DENND3: variants seen among roughly 807,000 people sequenced by gnomAD.
DENND3 encodes DENN domain-containing protein 3.
DENND3 carries 88 observed loss-of-function variants against 135.1 expected under a neutral mutation model. The observed-to-expected ratio is 0.65, with a 90% CI of 0.55 to 0.78. DENND3 has a LOEUF of 0.78. Ranked by LOEUF, DENND3 falls within the 30% of genes least tolerant of loss-of-function variation. The pLI, the probability that DENND3 is intolerant of heterozygous loss-of-function variation, is 0.00. For synonymous variants in DENND3, 693 were observed against 712.3 expected (o/e 0.97, Z 0.43); for missense variants, 1,392 against 1,688.4 (o/e 0.82, Z 3.08).
Position 141,134,904 on chromosome 8 carries a change from C to T in DENND3, c.103-1605C>T, listed in dbSNP as rs141676648. ...GGACTGCAGTGGTGAGATCTCGGCT[C>T]ACTGCAAGCTCCGCCTCCTGGGTTC... On this transcript the variant is annotated intron_variant, in intron 1 of 22. Coordinates refer to ENST00000519811, the MANE Select transcript of DENND3 (RefSeq NM_001352890.3). 6.6e-3 allele frequency among the ~76,000 whole-genome samples: 989 copies of T among 149,738 alleles called. 10 individuals are homozygous for T. The highest frequency in any genetic ancestry group is 0.023 in the African/African-American group (948 of 40,608).
intron 19 of DENND3, among the ~76,000 whole-genome samples, chr8:141,189,458 C>T (rs1824396898): frequency 1.3e-5 from 2 of 152,236 alleles, no homozygotes; most frequent in African/African-American, 4.8e-5. Flanking sequence ...GTGCACCAGC[C>T]ATGGTGTCAG....
chr8:141,134,764 C>G (rs1816571588), intron 1 of DENND3, among the ~76,000 whole-genome samples: 1 of 152,206 alleles, frequency 6.6e-6, no homozygotes, highest in African/African-American at 2.4e-5. Context: ...ACTGCTGTGT[C>G]TTATTGGAAT....
At chr8:141,178,295 C>CTG in intron 16 of DENND3, 99 bp downstream of exon 16, 1 of 1,463,384 alleles carries the variant, frequency 6.8e-7, no homozygotes, top group South Asian at 1.4e-5. Flanking sequence ...GAACCGAGCC[C>CTG]AGCTCCCCCA....
chr8:141,193,760 G>C (rs1825083109), intron 22 of DENND3: 1 of 517,870 alleles, frequency 1.9e-6, no homozygotes, highest in African/African-American at 1.9e-5. Context: ...ACAGGTGGCT[G>C]TTGTTTGGTG....
At chr8:141,156,029 GC>G in intron 8 of DENND3, 59 bp downstream of exon 8, 1 of 1,513,862 alleles carries the variant, frequency 6.6e-7, no homozygotes, top group South Asian at 1.3e-5. Flanking sequence ...TTCTGTATTT[GC>G]CACTTCGAGT....
intron 13 of DENND3, chr8:141,173,461 GTGCCTGT>G (rs1481642733): frequency 1.1e-4 from 16 of 152,250 alleles, no homozygotes; most frequent in Non-Finnish European, 7.3e-5. Flanking sequence ...AGGGCCGGCA[GTGCCTGT>G]GACTCGGAAG....
intron 8 of DENND3, among the ~76,000 whole-genome samples, chr8:141,156,616 C>T (rs986072274): frequency 2.0e-5 from 3 of 151,948 alleles, no homozygotes; most frequent in South Asian, 2.1e-4. Flanking sequence ...GCATACCCGT[C>T]GTATACCCGG....
chr8:141,162,384 T>C (rs551642071), intron 9 of DENND3, among the ~76,000 whole-genome samples: 1 of 151,984 alleles, frequency 6.6e-6, no homozygotes, highest in Non-Finnish European at 1.5e-5. Context: ...CCCTTGAGCC[T>C]AGAAGTTTGA....
At chr8:141,147,677 T>C (rs1818331688) in intron 5 of DENND3, among the ~76,000 whole-genome samples, 1 of 152,210 alleles carries the variant, frequency 6.6e-6, no homozygotes, top group Admixed American at 6.5e-5. Context: ...GCACAGTTTG[T>C]AATTAGGGCT....
intron 10 of DENND3, among the ~76,000 whole-genome samples, 154 bp downstream of exon 10, chr8:141,163,583 C>CT (rs199579129): frequency 3.3e-5 from 5 of 152,244 alleles, no homozygotes; most frequent in African/African-American, 1.2e-4. Context: ...GGCTCTCCCT[C>CT]TTTTTTAAAA....
rs773659888 is a variant in DENND3, at chr8:141,168,019, C to T, written c.1769C>T (p.Pro590Leu). The change falls in exon 13 of 23, where the codon CCG becomes CTG. Residue 590 changes from proline to leucine, a missense_variant. Pro to Leu is a moderately conservative substitution (Grantham distance 98, BLOSUM62 -3). Transcript: ENST00000519811. This position sits in a 1 kb window ranked among gnomAD's most constrained non-coding sequence, Gnocchi z 6.2. ...AATGTTTTAGTTCTGAATGTCACGC[C>T]GAAGTCCCCGTATACATTCAAGATT... ...RGSSAVLNVT[P>L]KSPYTFKIPE... The T allele has an allele frequency of 1.6e-5, 25 of 1,608,726 alleles. No homozygotes were observed. The highest frequency in any genetic ancestry group is 3.3e-5 in the Admixed American group (2 of 59,938).
At position 141,137,235 on chromosome 8, in the gene DENND3, C is replaced by A. The variant is rs912652639; in HGVS notation, c.385+444C>A. On this transcript the variant is annotated intron_variant, in intron 2 of 22. Coordinates refer to ENST00000519811, the MANE Select transcript of DENND3 (RefSeq NM_001352890.3). This position sits in a 1 kb window ranked among gnomAD's most constrained non-coding sequence, Gnocchi z 4.1. ...CCTCAAGTGATCCACCTGCCTTAGC[C>A]TCCCAAAGTGCTGGGATTACAGGCG... Among the ~76,000 whole-genome samples the A allele has an allele frequency of 1.9e-4, 29 of 152,186 alleles. No homozygotes were observed. The highest frequency in any genetic ancestry group is 5.2e-4 in the Admixed American group (8 of 15,280).
chr8:141,132,187 T>C (rs1013960400), intron 1 of DENND3, among the ~76,000 whole-genome samples: 1 of 152,118 alleles, frequency 6.6e-6, no homozygotes, highest in African/African-American at 2.4e-5. Flanking sequence ...ACCTGTTATG[T>C]AGGATGACTA....
At chr8:141,135,137 T>G (rs1009749520) in intron 1 of DENND3, among the ~76,000 whole-genome samples, 1 of 148,880 alleles carries the variant, frequency 6.7e-6, no homozygotes, top group Non-Finnish European at 1.5e-5. Flanking sequence ...CGCCCAGCTC[T>G]TTCTTTCTTT....
Position 141,182,540 on chromosome 8 carries a change from C to T in DENND3, c.2944+1686C>T. 1.0e-6 allele frequency: 1 copy of T among 964,144 alleles called. No individual in the cohort carries two copies. Among genetic ancestry groups the T allele is most frequent in the Non-Finnish European group, 1.2e-6 (1 of 810,722 alleles). The allele number at this position is 964,144 out of a possible 1,614,324, so 59.7% of individuals were successfully genotyped here. A position where few individuals can be genotyped will look rare whatever the true frequency, so the allele number is the denominator to read the frequency against. ...TGAAATGAAACTCACTCTGAGCTTCCTGTTGTGACGGGCGAGGAGTTCAGG... is the reference window on the plus strand; with the variant it reads ...TGAAATGAAACTCACTCTGAGCTTCTTGTTGTGACGGGCGAGGAGTTCAGG... On this transcript the variant is annotated intron_variant, in intron 17 of 22. Coordinates refer to ENST00000519811, the MANE Select transcript of DENND3 (RefSeq NM_001352890.3). This position sits in a 1 kb window ranked among gnomAD's most constrained non-coding sequence, Gnocchi z 5.9.
intron 7 of DENND3, among the ~76,000 whole-genome samples, chr8:141,153,157 G>C (rs532972700): frequency 9.6e-4 from 141 of 147,200 alleles, no homozygotes; most frequent in South Asian, 2.1e-3. Context: ...GCAATGGCGT[G>C]ATCTCGGCTC....
chr8:141,151,593 C>T (rs766527708), intron 6 of DENND3, 26 bp from the exon 7 acceptor site: 3 of 1,589,834 alleles, frequency 1.9e-6, no homozygotes, highest in Non-Finnish European at 2.6e-6. Context: ...AAAGCATGTA[C>T]TCAGTGCGGC....
In DENND3 at chr8:141,178,264, C is replaced by T. The variant is rs780323061; in HGVS notation, c.2836+68C>T. ...CACGCCTTAAGTGATTTTATCTGGT[C>T]GATGTCTGTTTTATCAAGTAGAACC... On this transcript the variant is annotated intron_variant, in intron 16 of 22. Coordinates refer to ENST00000519811, the MANE Select transcript of DENND3 (RefSeq NM_001352890.3). The T allele has an allele frequency of 9.0e-6, 14 of 1,549,334 alleles. No homozygotes were observed. The Admixed American group carries it at 2.0e-4, about 23-fold the overall frequency.
At chr8:141,135,583 A>T (rs1816698572) in intron 1 of DENND3, among the ~76,000 whole-genome samples, 1 of 152,128 alleles carries the variant, frequency 6.6e-6, no homozygotes, top group African/African-American at 2.4e-5. Context: ...TAGTACCAGA[A>T]CCACTTCCTT....
Sources: allele counts gnomAD v4.1 joint callset (sites outside exome capture counted in the v4.1 genomes callset), GRCh38; gene constraint gnomAD v4.1.1; non-coding constraint Gnocchi (gnomAD v3.1); transcripts MANE v1.5; gene names NCBI Gene and HGNC (gene_info 2026-07-23, HGNC 2026-07-21).